Variants in AMOTL1 observed in about 807,000 individuals in gnomAD.
AMOTL1 encodes angiomotin-like protein 1.
A neutral mutation model predicts 102.9 loss-of-function variants in AMOTL1; 45 were observed. The ratio of observed to expected loss-of-function variants is 0.44; its 90% CI spans 0.34 to 0.56. The LOEUF is 0.56. Among genes scored for constraint, AMOTL1 ranks in the 20% least tolerant of loss-of-function variants. The probability of loss-of-function intolerance (pLI) is 0.01; values close to 1 mark genes in which losing one functional copy is unlikely to be tolerated. For synonymous variants in AMOTL1, 481 were observed against 484.7 expected (o/e 0.99, Z 0.10); for missense variants, 1,114 against 1,225.6 (o/e 0.91, Z 1.36).
chr11:94,772,231 T>A (rs965767652), intron 1 of AMOTL1, among the ~76,000 whole-genome samples: 3 of 152,168 alleles, frequency 2.0e-5, no homozygotes, highest in Admixed American at 1.3e-4. Context: ...CATGTAAAAT[T>A]TGTATTTCTA....
chr11:94,827,876 C>T (rs574970488), intron 4 of AMOTL1, among the ~76,000 whole-genome samples: 5 of 152,310 alleles, frequency 3.3e-5, no homozygotes, highest in South Asian at 2.1e-4. Flanking sequence ...TAGGCTCCTA[C>T]GGCTCCACTG....
intron 3 of AMOTL1, among the ~76,000 whole-genome samples, chr11:94,814,285 G>C (rs7109793): frequency 0.26 from 40,295 of 152,106 alleles, 5,914 homozygotes; most frequent in East Asian, 0.46. Flanking sequence ...GGTTTGCCAA[G>C]CTTAAGGGAC....
intron 3 of AMOTL1, among the ~76,000 whole-genome samples, chr11:94,807,396 T>C (rs912925977): frequency 6.6e-6 from 1 of 152,208 alleles, no homozygotes; most frequent in Non-Finnish European, 1.5e-5. Context: ...TTACATTTTT[T>C]CTGAATATTA....
At chr11:94,814,212 T>A (rs1165858440) in intron 3 of AMOTL1, among the ~76,000 whole-genome samples, 1 of 152,184 alleles carries the variant, frequency 6.6e-6, no homozygotes, top group Non-Finnish European at 1.5e-5. Context: ...AGTGCTTTCT[T>A]GATGCCAGCA....
intron 3 of AMOTL1, among the ~76,000 whole-genome samples, chr11:94,810,866 ACACGCG>A (rs758846264): frequency 1.5e-5 from 2 of 137,594 alleles, no homozygotes; most frequent in Middle Eastern, 3.6e-3. Flanking sequence ...ACACACACAC[ACACGCG>A]TACACACACA....
intron 3 of AMOTL1, among the ~76,000 whole-genome samples, chr11:94,819,485 T>C (rs1209773510): frequency 1.3e-5 from 2 of 152,162 alleles, no homozygotes; most frequent in Non-Finnish European, 2.9e-5. Flanking sequence ...GACTATTCTT[T>C]TACCCTCCTC....
intron 3 of AMOTL1, among the ~76,000 whole-genome samples, chr11:94,749,906 A>G (rs1484798846): frequency 6.6e-6 from 1 of 152,222 alleles, no homozygotes; most frequent in Non-Finnish European, 1.5e-5. Context: ...CTGTTTCAGA[A>G]GGATGGGTTG....
At chr11:94,834,215 TAAGGG>T (rs1013106423) in intron 6 of AMOTL1, among the ~76,000 whole-genome samples, 3 of 152,198 alleles carry the variant, frequency 2.0e-5, no homozygotes, top group African/African-American at 4.8e-5. Flanking sequence ...ATTGCCCACT[TAAGGG>T]AAGCCATCCT....
chr11:94,798,566 T>G (rs754831523), intron 2 of AMOTL1, among the ~76,000 whole-genome samples: 5 of 152,114 alleles, frequency 3.3e-5, no homozygotes, highest in Non-Finnish European at 7.4e-5. Flanking sequence ...AGGGCCATCG[T>G]CTGGCAGTTG....
intron 10 of AMOTL1, among the ~76,000 whole-genome samples, chr11:94,865,111 G>T (rs1019588236): frequency 1.3e-5 from 2 of 152,148 alleles, no homozygotes; most frequent in African/African-American, 4.8e-5. Flanking sequence ...TAAGATGCAG[G>T]CTGAGTCTAG....
At chr11:94,769,950 A>G (rs1231107597) in intron 1 of AMOTL1, among the ~76,000 whole-genome samples, 1 of 152,186 alleles carries the variant, frequency 6.6e-6, no homozygotes, top group Non-Finnish European at 1.5e-5. Context: ...TAACCTGCTC[A>G]CCATAAACGA....
In AMOTL1 at chr11:94,774,644, C is replaced by T. The variant is rs1950998472; in HGVS notation, c.49+6084C>T. On this transcript the variant is annotated intron_variant, in intron 1 of 12. Transcript: ENST00000433060. ...TTTATTGAAACATGGATTGCTGGGC[C>T]GCACCCCTAGAGTTTCTGTTTCCTT... is the stretch of plus-strand genomic sequence containing the variant. 2.0e-5 allele frequency among the ~76,000 whole-genome samples: 3 copies of T among 152,178 alleles called. 1 individual carries two copies. The South Asian group carries it at 6.2e-4, about 31-fold the overall frequency.
Position 94,707,250 on chromosome 11 carries a change from C to CTCTCTGTG in AMOTL1, c.-51+654_-51+655insCTCTGTGT, listed in dbSNP as rs1338023479. On this transcript the variant is annotated intron_variant, in intron 1 of 4. Transcript: ENST00000299004. Reference sequence around the variant, plus strand: ...TCTCTCTCTCTCTCTCTCTCTCTCTCTGTGTGTGTGTGTGTGTGTGTGTGT... The same window carrying CTCTCTGTG: ...TCTCTCTCTCTCTCTCTCTCTCTCTCTCTCTGTGTGTGTGTGTGTGTGTGTGTGTGTGT... Among the ~76,000 whole-genome samples the CTCTCTGTG allele has an allele frequency of 3.4e-3, 247 of 71,754 alleles. 2 individuals are homozygous for CTCTCTGTG. Among genetic ancestry groups the CTCTCTGTG allele is most frequent in the African/African-American group, 8.5e-3 (214 of 25,154 alleles). The allele number at this position is 71,754 out of a possible 152,430, so 47.1% of individuals were successfully genotyped here.
chr11:94,811,805 T>G (rs1253098967), intron 3 of AMOTL1, among the ~76,000 whole-genome samples: 4 of 152,232 alleles, frequency 2.6e-5, no homozygotes, highest in African/African-American at 9.6e-5. Context: ...TTGTTAAGTT[T>G]AGCCAAGACA....
chr11:94,737,325 C>T (rs1950451793), intron 2 of AMOTL1, among the ~76,000 whole-genome samples: 2 of 152,204 alleles, frequency 1.3e-5, no homozygotes, highest in Non-Finnish European at 2.9e-5. Context: ...CTAATGTAAA[C>T]ATACTCTGTG....
chr11:94,834,182 A>C (rs1420113324), intron 6 of AMOTL1, among the ~76,000 whole-genome samples: 1 of 152,214 alleles, frequency 6.6e-6, no homozygotes, highest in Non-Finnish European at 1.5e-5. Flanking sequence ...AATTTCAAAC[A>C]CCTAGTGATT....
At chr11:94,855,606 G>T (rs1952646620) in intron 8 of AMOTL1, among the ~76,000 whole-genome samples, 1 of 152,098 alleles carries the variant, frequency 6.6e-6, no homozygotes, top group Non-Finnish European at 1.5e-5. Flanking sequence ...GTTCCTTCCT[G>T]GTTAATATGC....
At chr11:94,812,053 G>C (rs1280641470) in intron 3 of AMOTL1, among the ~76,000 whole-genome samples, 6 of 152,166 alleles carry the variant, frequency 3.9e-5, no homozygotes, top group Admixed American at 3.9e-4. Context: ...GATCACATTT[G>C]GGGAAATCAG....
In AMOTL1 at chr11:94,864,811, G is replaced by A; in HGVS notation, c.2212G>A (p.Glu738Lys). ...GCTGGAGGCCCACATCTGGCAAGAGGAGGAGGAGGTGGTGCAGGCCAACAG... is the reference window on the plus strand; with the variant it reads ...GCTGGAGGCCCACATCTGGCAAGAGAAGGAGGAGGTGGTGCAGGCCAACAG... Reference protein sequence around the residue: ...SSLEAHIWQEEEEVVQANRRC... With the variant: ...SSLEAHIWQEKEEVVQANRRC... Residue 738 changes from glutamate to lysine, a missense_variant, in exon 10 of 13, where the codon GAG (glutamate) becomes AAG (lysine). Transcript: ENST00000433060. 1 of 1,613,940 alleles carries A rather than the reference G, an allele frequency of 6.2e-7. No individual in the cohort carries two copies. The highest frequency in any genetic ancestry group is 1.1e-5 in the South Asian group (1 of 91,068).
Sources: gnomAD v4.1 joint callset for allele counts (sites outside exome capture counted in the v4.1 genomes callset) on GRCh38, gnomAD v4.1.1 for gene constraint, MANE v1.5 for transcripts, NCBI Gene and HGNC (gene_info 2026-07-23, HGNC 2026-07-21) for gene names.